GEM: variants seen among roughly 807,000 people sequenced by gnomAD.
The protein encoded by GEM is GTP-binding protein GEM.
Under a neutral mutation model 33.0 loss-of-function variants are expected in GEM, and 31 were observed. That is an observed-to-expected ratio of 0.94 (90% CI 0.71 to 1.27). The LOEUF is 1.27. Ranked by LOEUF, GEM falls within the 50% of genes most tolerant of loss-of-function variation. The pLI, the probability that GEM is intolerant of heterozygous loss-of-function variation, is 0.00. For synonymous variants in GEM, 141 were observed against 143.7 expected (o/e 0.98, Z 0.13); for missense variants, 354 against 390.5 (o/e 0.91, Z 0.79).
At chr8:94,261,894 C>T (rs1004475066) in intron 1 of GEM, among the ~76,000 whole-genome samples, 196 bp downstream of exon 1, 1 of 152,166 alleles carries the variant, frequency 6.6e-6, no homozygotes, top group African/African-American at 2.4e-5. Context: ...CCAGGACGAC[C>T]AGCCGGTTTT....
intron 2 of GEM, 141 bp from the exon 3 acceptor site, chr8:94,253,253 G>T: frequency 3.3e-6 from 2 of 610,164 alleles, no homozygotes; most frequent in African/African-American, 1.9e-5. Flanking sequence ...ATTTTCAAAG[G>T]CAAATTACTA....
Position 94,260,472 on chromosome 8 carries a change from C to G in GEM, c.32G>C (p.Gly11Ala), listed in dbSNP as rs556308745. ...CTGCTGTGGCTGCATGCCCACAGTG[C>G]CCTGGCGCATGGTGACATTATTCAG... MTLNNVTMRQ[G>A]TVGMQPQQQR... Residue 11 changes from glycine to alanine, a missense_variant, in exon 2 of 5, where the codon GGC (glycine) becomes GCC (alanine). Physicochemically the swap from Gly to Ala is moderately conservative, Grantham distance 60. Transcript: ENST00000297596. The G allele has an allele frequency of 3.7e-6, 6 of 1,608,856 alleles. No individual in the cohort carries two copies. Among genetic ancestry groups the G allele is most frequent in the Non-Finnish European group, 5.1e-6 (6 of 1,176,380 alleles).
At chr8:94,251,856 C>A (rs1808776340) in intron 4 of GEM, among the ~76,000 whole-genome samples, 163 bp downstream of exon 4, 2 of 152,074 alleles carry the variant, frequency 1.3e-5, no homozygotes. Flanking sequence ...GTGGAGGAGA[C>A]CCACTGGGAC....
intron 2 of GEM, among the ~76,000 whole-genome samples, chr8:94,259,637 T>C (rs920716529): frequency 4.6e-5 from 7 of 152,254 alleles, no homozygotes; most frequent in Non-Finnish European, 8.8e-5. Flanking sequence ...TGTCAGACTC[T>C]ATAGAAAGTT....
intron 2 of GEM, among the ~76,000 whole-genome samples, chr8:94,255,214 T>C (rs986807439): frequency 1.3e-5 from 2 of 152,140 alleles, no homozygotes; most frequent in Non-Finnish European, 2.9e-5. Flanking sequence ...TTCCAATCGC[T>C]GACGGAAAAG....
intron 4 of GEM, 78 bp downstream of exon 4, chr8:94,251,941 G>A (rs897681713): frequency 3.7e-6 from 4 of 1,091,516 alleles, no homozygotes; most frequent in Non-Finnish European, 5.7e-6. Context: ...CTCGTGGAAG[G>A]AGGGAAGAAC....
At chr8:94,260,704 C>G in intron 1 of GEM, 192 bp from the exon 2 acceptor site, 1 of 546,798 alleles carries the variant, frequency 1.8e-6, no homozygotes, top group Non-Finnish European at 3.3e-6. Flanking sequence ...ACACATGCTG[C>G]CCACACTGTC....
rs915820623 is a variant in GEM at position 94,249,442 on chromosome 8, C to G, written c.*868G>C. 1 of 152,088 alleles carries G rather than the reference C, an allele frequency of 6.6e-6. No homozygotes were observed. Among genetic ancestry groups the G allele is most frequent in the African/African-American group, 2.4e-5 (1 of 41,422 alleles). 9.4% of individuals were successfully genotyped at this position (152,088 alleles called of 1,614,324 possible). On this transcript the variant is annotated 3_prime_UTR_variant, in exon 5 of 5. Coordinates refer to ENST00000297596, the MANE Select transcript of GEM (RefSeq NM_005261.4). Reference sequence around the variant, plus strand: ...ATAAATAGAGCAGAGCTGTGACATACAAGGGTCAACCAAAGTACTGGAAGT... The same window carrying G: ...ATAAATAGAGCAGAGCTGTGACATAGAAGGGTCAACCAAAGTACTGGAAGT...
rs1586058112 is a variant in GEM at position 94,250,182 on chromosome 8, A to T, written c.*128T>A. 42 of 734,590 alleles carry T rather than the reference A, an allele frequency of 5.7e-5. No homozygotes were observed. The East Asian group carries it at 1.1e-3, about 19-fold the overall frequency. The allele number at this position is 734,590 out of a possible 1,614,324, so 45.5% of individuals were successfully genotyped here. On this transcript the variant is annotated 3_prime_UTR_variant, in exon 5 of 5. Coordinates refer to ENST00000297596, the MANE Select transcript of GEM (RefSeq NM_005261.4). ...CATGCATCATGTTGCCCACAAGGCTAATACGCTAGCTCCCTGCTACAATGG... is the reference window on the plus strand; with the variant it reads ...CATGCATCATGTTGCCCACAAGGCTTATACGCTAGCTCCCTGCTACAATGG...
chr8:94,257,160 ATTTTAT>A (rs1554595218), intron 2 of GEM, among the ~76,000 whole-genome samples: 6 of 151,434 alleles, frequency 4.0e-5, no homozygotes, highest in Non-Finnish European at 7.4e-5. Flanking sequence ...TATTTATTTT[ATTTTAT>A]TTTTATTTTT....
At chr8:94,252,448 T>C (rs997638431) in intron 3 of GEM, among the ~76,000 whole-genome samples, 12 of 152,256 alleles carry the variant, frequency 7.9e-5, no homozygotes, top group African/African-American at 2.9e-4. Context: ...TGCCAAAAAG[T>C]TTTCACTTTT....
chr8:94,251,284 A>G (rs1808764354), intron 4 of GEM, among the ~76,000 whole-genome samples: 2 of 152,228 alleles, frequency 1.3e-5, no homozygotes, highest in Admixed American at 1.3e-4. Flanking sequence ...CATTGCATTC[A>G]ATGACCATGC....
At chr8:94,251,657 C>T (rs1054058585) in intron 4 of GEM, among the ~76,000 whole-genome samples, 3 of 152,132 alleles carry the variant, frequency 2.0e-5, no homozygotes, top group Non-Finnish European at 4.4e-5. Context: ...CCAGAGTCAG[C>T]CAGAGTAGAA....
At chr8:94,257,679 C>T (rs1808923293) in intron 2 of GEM, among the ~76,000 whole-genome samples, 1 of 152,138 alleles carries the variant, frequency 6.6e-6, no homozygotes, top group Non-Finnish European at 1.5e-5. Flanking sequence ...CCCCAGAGTG[C>T]CTCACCAAGC....
At chr8:94,259,292 C>A (rs1180318140) in intron 2 of GEM, among the ~76,000 whole-genome samples, 1 of 152,246 alleles carries the variant, frequency 6.6e-6, no homozygotes, top group Non-Finnish European at 1.5e-5. Flanking sequence ...CACCTCCCTA[C>A]TCTGTGATTC....
rs554056106 is a variant in GEM, at chr8:94,252,155, G to T, written c.477C>A (p.Ile159=). 3.7e-6 allele frequency: 6 copies of T among 1,613,592 alleles called. No individual in the cohort carries two copies. The African/African-American group carries it at 8.0e-5, about 22-fold the overall frequency. Residue 159 remains isoleucine (I), a synonymous_variant, in exon 4 of 5, where the codon ATC becomes ATA. Coordinates refer to ENST00000297596, the MANE Select transcript of GEM (RefSeq NM_005261.4). ...CCTTCTCGAAGCTCGCTCGGTCTGT[G>T]ATTGAGTAGACAATCAGGTATGCGT... ...VGDAYLIVYS[I]TDRASFEKAS...
chr8:94,260,578 T>C, intron 1 of GEM, 66 bp from the exon 2 acceptor site: 1 of 828,620 alleles, frequency 1.2e-6, no homozygotes, highest in Non-Finnish European at 1.9e-6. Flanking sequence ...CTCAAATACA[T>C]GGTCAGTCAT....
Position 94,252,237 on chromosome 8 carries a change from A to G in GEM, c.409-14T>C. On this transcript the variant is annotated splice_polypyrimidine_tract_variant and intron_variant, in intron 3 of 4. Coordinates refer to ENST00000297596, the MANE Select transcript of GEM (RefSeq NM_005261.4). ...TTCATTTTCCCCCTAATGAAACAATAAGATCTTCTGTGAGTTCAGTTAGGC... is the reference window on the plus strand; with the variant it reads ...TTCATTTTCCCCCTAATGAAACAATGAGATCTTCTGTGAGTTCAGTTAGGC... 6.4e-7 allele frequency: 1 copy of G among 1,572,890 alleles called. No homozygotes were observed. Among genetic ancestry groups the G allele is most frequent in the Non-Finnish European group, 8.7e-7 (1 of 1,145,980 alleles).
Position 94,257,460 on chromosome 8 carries a change from G to T in GEM, c.331+2713C>A, listed in dbSNP as rs191003450. Among the ~76,000 whole-genome samples the T allele has an allele frequency of 4.5e-3, 684 of 152,276 alleles. 4 individuals are homozygous for T. Among genetic ancestry groups the T allele is most frequent in the African/African-American group, 0.015 (640 of 41,550 alleles). On this transcript the variant is annotated intron_variant, in intron 2 of 4. Transcript: ENST00000297596. ...GCCTCCCAAAGTGTTGGGATTACAGGCATGAGCCACCATGCCGGGCCAACC... is the reference window on the plus strand; with the variant it reads ...GCCTCCCAAAGTGTTGGGATTACAGTCATGAGCCACCATGCCGGGCCAACC...
Sources: gnomAD v4.1 joint callset for allele counts (sites outside exome capture counted in the v4.1 genomes callset) on GRCh38, gnomAD v4.1.1 for gene constraint, MANE v1.5 for transcripts, NCBI Gene and HGNC (gene_info 2026-07-23, HGNC 2026-07-21) for gene names.